Variants in SORCS2 observed in about 807,000 individuals in gnomAD.
SORCS2 encodes sortilin related VPS10 domain containing receptor 2.
SORCS2 carries 100 observed loss-of-function variants against 141.6 expected under a neutral mutation model. That is an observed-to-expected ratio of 0.71 (90% CI 0.60 to 0.83). The LOEUF (loss-of-function observed/expected upper bound fraction) is 0.83, where lower values mean the gene tolerates loss of function less well. Ranked by LOEUF, SORCS2 falls within the 40% of genes least tolerant of loss-of-function variation. SORCS2 has a pLI of 0.00. For missense variants in SORCS2, 1,646 were observed against 1,560.2 expected, an observed-to-expected ratio of 1.05 and a Z score of -0.93; for synonymous variants, 789 against 676.9, an observed-to-expected ratio of 1.17 and a Z score of -2.57.
chr4:7,445,589 C>T (rs77178877), intron 2 of SORCS2, among the ~76,000 whole-genome samples: 4,153 of 152,206 alleles, frequency 0.027, 69 homozygotes, highest in Non-Finnish European at 0.03. Context: ...AGAAGCTGGG[C>T]GCTGAAGGCA....
intron 2 of SORCS2, among the ~76,000 whole-genome samples, chr4:7,522,368 A>G (rs1267811979): frequency 6.6e-6 from 1 of 152,258 alleles, no homozygotes; most frequent in Non-Finnish European, 1.5e-5. Context: ...ATTTGCAGAC[A>G]GCAATTTTCC....
intron 4 of SORCS2, among the ~76,000 whole-genome samples, chr4:7,650,761 CCCA>C: frequency 6.8e-6 from 1 of 146,958 alleles, no homozygotes; most frequent in African/African-American, 2.6e-5. Context: ...CCCAGCCCAG[CCCA>C]GCCCAGCCCA....
At chr4:7,274,535 G>C (rs1189630607) in intron 1 of SORCS2, among the ~76,000 whole-genome samples, 1 of 152,130 alleles carries the variant, frequency 6.6e-6, no homozygotes, top group Non-Finnish European at 1.5e-5. Flanking sequence ...GGAGGAAGAG[G>C]AGGAGTGGAG....
At chr4:7,543,328 C>T (rs1407513299) in intron 3 of SORCS2, among the ~76,000 whole-genome samples, 3 of 152,176 alleles carry the variant, frequency 2.0e-5, no homozygotes, top group Non-Finnish European at 2.9e-5. Context: ...CTAATTCATT[C>T]ATTCATCTAT....
At chr4:7,194,090 G>C (rs114634713) in intron 1 of SORCS2, among the ~76,000 whole-genome samples, 5,247 of 152,188 alleles carry the variant, frequency 0.034, 289 homozygotes, top group African/African-American at 0.12. Context: ...CTCTAGTTTT[G>C]CAGGTTCCAG....
At chr4:7,727,510 C>G (rs2148888329) in intron 21 of SORCS2, among the ~76,000 whole-genome samples, 2 of 152,162 alleles carry the variant, frequency 1.3e-5, no homozygotes, top group South Asian at 4.2e-4. Context: ...TAAGAACAGC[C>G]TCTACTGTGG....
intron 10 of SORCS2, among the ~76,000 whole-genome samples, chr4:7,688,947 C>T (rs139693658): frequency 2.6e-5 from 4 of 152,318 alleles, no homozygotes; most frequent in African/African-American, 7.2e-5. Context: ...GAGGGTCTTA[C>T]GGGGTGACCC....
chr4:7,432,748 C>T (rs1295986062), intron 2 of SORCS2: 2 of 152,392 alleles, frequency 1.3e-5, no homozygotes, highest in Admixed American at 1.3e-4. Flanking sequence ...CCAGACCTCT[C>T]CCCGGAAATG....
intron 3 of SORCS2, among the ~76,000 whole-genome samples, chr4:7,576,251 T>A (rs1715744222): frequency 6.6e-6 from 1 of 152,226 alleles, no homozygotes; most frequent in Non-Finnish European, 1.5e-5. Context: ...CCGGGAGTCA[T>A]CGGGAGGCGT....
chr4:7,687,228 C>A (rs1723936663), intron 10 of SORCS2, among the ~76,000 whole-genome samples: 1 of 152,174 alleles, frequency 6.6e-6, no homozygotes, highest in Admixed American at 6.5e-5. Flanking sequence ...TCCTGCACTA[C>A]ACCTTCTCCT....
At chr4:7,446,901 A>C (rs765672597) in intron 2 of SORCS2, among the ~76,000 whole-genome samples, 4 of 152,206 alleles carry the variant, frequency 2.6e-5, no homozygotes, top group Non-Finnish European at 5.9e-5. Flanking sequence ...CATTGCAGAA[A>C]CTGAGGCTCA....
chr4:7,530,633 T>G (rs1711562323), intron 2 of SORCS2, among the ~76,000 whole-genome samples: 1 of 152,236 alleles, frequency 6.6e-6, no homozygotes, highest in Admixed American at 6.5e-5. Context: ...CAGTATATTT[T>G]AATGGCTGAT....
chr4:7,227,675 G>A (rs751494712), intron 1 of SORCS2, among the ~76,000 whole-genome samples: 18 of 152,036 alleles, frequency 1.2e-4, no homozygotes, highest in Admixed American at 2.0e-4. Context: ...CTCACCCACC[G>A]CGCTGCTTCC....
At chr4:7,730,460 C>G (rs1355606906) in intron 23 of SORCS2, among the ~76,000 whole-genome samples, 1 of 152,224 alleles carries the variant, frequency 6.6e-6, no homozygotes, top group Non-Finnish European at 1.5e-5. Context: ...TACATGGATT[C>G]ACAGCAGCAT....
intron 1 of SORCS2, among the ~76,000 whole-genome samples, chr4:7,368,199 G>T (rs1198542794): frequency 6.6e-6 from 1 of 152,204 alleles, no homozygotes; most frequent in African/African-American, 2.4e-5. Context: ...CAGATGAAGG[G>T]GAACCGCCCT....
intron 3 of SORCS2, among the ~76,000 whole-genome samples, chr4:7,589,964 C>T (rs571303889): frequency 7.2e-4 from 110 of 152,180 alleles, no homozygotes; most frequent in Non-Finnish European, 1.0e-3. Flanking sequence ...GCCTGGGGCA[C>T]GGAATGGCGG....
At chr4:7,515,837 C>G (rs1732943093) in intron 2 of SORCS2, among the ~76,000 whole-genome samples, 1 of 152,120 alleles carries the variant, frequency 6.6e-6, no homozygotes, top group Non-Finnish European at 1.5e-5. Flanking sequence ...AAACACTGAC[C>G]TCAGGGCCAG....
In SORCS2 at chr4:7,429,828, C is replaced by T. The variant is rs535113863; in HGVS notation, c.548+33473C>T. On this transcript the variant is annotated intron_variant, in intron 2 of 26. Transcript: ENST00000507866. Reference sequence around the variant, plus strand: ...CCCTCCACTACTGGCTGTGTGGCCTCGGGCAAGTTATTTAACCTCTCTGGT... The same window carrying T: ...CCCTCCACTACTGGCTGTGTGGCCTTGGGCAAGTTATTTAACCTCTCTGGT... 1.5e-3 allele frequency among the ~76,000 whole-genome samples: 234 copies of T among 152,298 alleles called. 2 individuals carry two copies. Among genetic ancestry groups the T allele is most frequent in the African/African-American group, 5.3e-3 (219 of 41,580 alleles).
intron 1 of SORCS2, among the ~76,000 whole-genome samples, chr4:7,216,175 C>A (rs2108753087): frequency 6.6e-6 from 1 of 152,322 alleles, no homozygotes; most frequent in African/African-American, 2.4e-5. Flanking sequence ...AGAACTGTGA[C>A]ACTCACCGCA....
Sources: allele counts gnomAD v4.1 joint callset (sites outside exome capture counted in the v4.1 genomes callset), GRCh38; gene constraint gnomAD v4.1.1; transcripts MANE v1.5; gene names NCBI Gene and HGNC (gene_info 2026-07-23, HGNC 2026-07-21).